SGCD: variants seen among roughly 807,000 people sequenced by gnomAD.
SGCD encodes the protein delta-sarcoglycan.
In SGCD, 18 loss-of-function variants were observed where a neutral mutation model predicts 36.6. That is an observed-to-expected ratio of 0.49 (90% CI 0.34 to 0.73). SGCD has a LOEUF of 0.73. Ranked by LOEUF, SGCD falls within the 30% of genes least tolerant of loss-of-function variation. SGCD has a pLI of 0.01. For missense variants in SGCD, 387 were observed against 346.7 expected (o/e 1.12, Z -0.92); for synonymous variants, 133 against 130.6 (o/e 1.02, Z -0.12).
At chr5:156,657,437 C>T (rs1763736388) in intron 7 of SGCD, among the ~76,000 whole-genome samples, 1 of 146,508 alleles carries the variant, frequency 6.8e-6, no homozygotes, top group South Asian at 2.3e-4. Flanking sequence ...TGATGTTCCC[C>T]TTCCTGTGTC....
In SGCD at chr5:155,966,935, ATGTGTGTGTG is replaced by A. The variant is rs145801010; in HGVS notation, c.-282+96525_-282+96534del. Among the ~76,000 whole-genome samples, 238 of 148,290 alleles carry A rather than the reference ATGTGTGTGTG, an allele frequency of 1.6e-3. 1 individual carries two copies. Among genetic ancestry groups the A allele is most frequent in the African/African-American group, 5.5e-3 (224 of 40,602 alleles). On this transcript the variant is annotated intron_variant, in intron 1 of 9. Transcript: ENST00000517913. ...TTTACAAAGGCCAATATAGGTTTTC[ATGTGTGTGTG>A]TGTGTGTGTGTGTATGTGTGTGTAT...
rs1281763563 is a variant in SGCD, at chr5:156,573,021, C to T, written c.295-16210C>T. On this transcript the variant is annotated intron_variant, in intron 4 of 8. Transcript: ENST00000337851. ...TACATATTACCTGTATTTTTCAATGCTTCTTCAATAATGGTCATGTTTTTA... is the reference window on the plus strand; with the variant it reads ...TACATATTACCTGTATTTTTCAATGTTTCTTCAATAATGGTCATGTTTTTA... Among the ~76,000 whole-genome samples the T allele has an allele frequency of 2.0e-5, 3 of 152,132 alleles. No homozygotes were observed. In the East Asian group the frequency reaches 5.8e-4, roughly 29 times the overall value.
At chr5:156,713,091 A>G (rs944051810) in intron 7 of SGCD, among the ~76,000 whole-genome samples, 1 of 152,066 alleles carries the variant, frequency 6.6e-6, no homozygotes, top group African/African-American at 2.4e-5. Flanking sequence ...GAAATCCCCT[A>G]TGATTAGGGG....
chr5:156,487,788 CAAAAAAA>C (rs56006984), intron 3 of SGCD, among the ~76,000 whole-genome samples: 90 of 41,378 alleles, frequency 2.2e-3, no homozygotes, highest in East Asian at 3.7e-3. Flanking sequence ...ACTCTGTCAC[CAAAAAAA>C]AAAAAAAAAA....
At chr5:156,723,964 G>C (rs1056937485) in intron 7 of SGCD, among the ~76,000 whole-genome samples, 1 of 152,102 alleles carries the variant, frequency 6.6e-6, no homozygotes, top group Admixed American at 6.6e-5. Flanking sequence ...AAGGGAGCAC[G>C]GTGAAAATAG....
intron 1 of SGCD, among the ~76,000 whole-genome samples, chr5:155,901,754 A>G (rs546679892): frequency 6.6e-6 from 1 of 152,332 alleles, no homozygotes; most frequent in Non-Finnish European, 1.5e-5. Context: ...TGATAAAGAA[A>G]TCTTTACATT....
Position 156,317,796 on chromosome 5 carries a change from TA to T in SGCD, c.-43-11735del, listed in dbSNP as rs560942123. 3.0e-3 allele frequency among the ~76,000 whole-genome samples: 461 copies of T among 152,354 alleles called. 3 individuals carry two copies. Among genetic ancestry groups the T allele is most frequent in the Non-Finnish European group, 3.7e-3 (251 of 68,026 alleles). On this transcript the variant is annotated intron_variant, in intron 3 of 9. Transcript: ENST00000517913. The stretch of plus-strand genomic sequence containing the variant: ...TGTGGCTCTTGTAATAATAGAATAT[TA>T]AAGTGTTTCTTTAGGATAAAATACT...
the SGCD span, among the ~76,000 whole-genome samples, chr5:155,810,795 C>CTTTTT: frequency 2.5e-4 from 9 of 35,334 alleles, 3 homozygotes; most frequent in Non-Finnish European, 4.2e-4. Context: ...TTAGTGTCTG[C>CTTTTT]TTTTTTTTTT....
chr5:155,729,574 G>A, the SGCD span, among the ~76,000 whole-genome samples: 8 of 152,336 alleles, frequency 5.3e-5, no homozygotes, highest in South Asian at 2.1e-4. Flanking sequence ...TGCGGTGCGG[G>A]TTTTAGGGGC....
chr5:156,024,314 A>G (rs1759177712), intron 1 of SGCD, among the ~76,000 whole-genome samples: 1 of 151,300 alleles, frequency 6.6e-6, no homozygotes, highest in African/African-American at 2.4e-5. Flanking sequence ...CTTATCTTGT[A>G]TGACGTCCTC....
intron 3 of SGCD, among the ~76,000 whole-genome samples, chr5:156,291,447 T>G (rs1373632182): frequency 2.0e-5 from 3 of 152,086 alleles, no homozygotes; most frequent in Non-Finnish European, 2.9e-5. Context: ...TCCAATAAAA[T>G]GTCATTTACA....
At chr5:155,745,947 A>T in the SGCD span, among the ~76,000 whole-genome samples, 41 of 152,234 alleles carry the variant, frequency 2.7e-4, no homozygotes, top group African/African-American at 9.6e-4. Flanking sequence ...ACATTGGCCT[A>T]CTCTGTGACT....
chr5:156,201,000 C>T (rs939756026), intron 3 of SGCD, among the ~76,000 whole-genome samples: 4 of 151,856 alleles, frequency 2.6e-5, no homozygotes, highest in Non-Finnish European at 5.9e-5. Context: ...CACAAAAGGA[C>T]AAAAAAGTAC....
In SGCD at chr5:156,745,328, G is replaced by T. The variant is rs563620603; in HGVS notation, c.576-12253G>T. ...TCTACCACTTGATAACTTCAAACTG[G>T]CCTTCACTCTGGTTTGTAGCCTGGC... On this transcript the variant is annotated intron_variant, in intron 7 of 8. Coordinates refer to ENST00000337851, the MANE Select transcript of SGCD (RefSeq NM_000337.6). 9.2e-5 allele frequency among the ~76,000 whole-genome samples: 14 copies of T among 152,256 alleles called. 1 individual carries two copies. The South Asian group carries it at 2.7e-3, about 29-fold the overall frequency.
chr5:156,533,091 G>C (rs931160134), intron 4 of SGCD, among the ~76,000 whole-genome samples: 10 of 152,076 alleles, frequency 6.6e-5, no homozygotes, highest in African/African-American at 1.9e-4. Flanking sequence ...TGGCTTTCTC[G>C]GTAGCCATGC....
intron 3 of SGCD, among the ~76,000 whole-genome samples, chr5:156,150,196 CT>C (rs1762802158): frequency 6.6e-6 from 1 of 151,888 alleles, no homozygotes; most frequent in Middle Eastern, 3.2e-3. Context: ...TTTGCAACTC[CT>C]TTTGGCTCCT....
At chr5:156,549,203 C>T (rs1434662416) in intron 4 of SGCD, among the ~76,000 whole-genome samples, 1 of 151,894 alleles carries the variant, frequency 6.6e-6, no homozygotes, top group African/African-American at 2.4e-5. Flanking sequence ...GGTATGACAT[C>T]ATCTTTGATC....
At position 155,980,680 on chromosome 5, in the gene SGCD, G is replaced by T. The variant is rs1758210299; in HGVS notation, c.-282+110256G>T. Among the ~76,000 whole-genome samples, 3 of 139,080 alleles carry T rather than the reference G, an allele frequency of 2.2e-5. No homozygotes were observed. In the Admixed American group the frequency reaches 2.2e-4, roughly 10 times the overall value. The allele number at this position is 139,080 out of a possible 152,430, so 91.2% of individuals were successfully genotyped here. ...ATAGACATCTCTGGAAGGCCGCTTA[G>T]TACATGGACTGCACAGGTGAACTTT... On this transcript the variant is annotated intron_variant, in intron 1 of 9. Coordinates refer to the SGCD transcript ENST00000517913.
chr5:156,339,809 GAAATT>G (rs1561630145), intron 2 of SGCD, among the ~76,000 whole-genome samples: 5 of 152,232 alleles, frequency 3.3e-5, no homozygotes, highest in Admixed American at 6.5e-5. Flanking sequence ...AATGAGAAAG[GAAATT>G]AAATTATTAA....
Sources: allele counts gnomAD v4.1 joint callset (sites outside exome capture counted in the v4.1 genomes callset), GRCh38; gene constraint gnomAD v4.1.1; transcripts MANE v1.5; gene names NCBI Gene and HGNC (gene_info 2026-07-23, HGNC 2026-07-21).